DZIP1L: variants seen among roughly 807,000 people sequenced by gnomAD.
DZIP1L encodes cilium assembly protein DZIP1L.
In DZIP1L, 90 loss-of-function variants were observed where a neutral mutation model predicts 88.7. The ratio of observed to expected loss-of-function variants is 1.02; its 90% CI spans 0.86 to 1.21. The LOEUF (loss-of-function observed/expected upper bound fraction) is 1.21, where lower values mean the gene tolerates loss of function less well. Among genes scored for constraint, DZIP1L ranks in the 50% most tolerant of loss-of-function variants. The pLI is 0.00. For synonymous variants in DZIP1L, 363 were observed against 372.1 expected (o/e 0.98, Z 0.28); for missense variants, 932 against 955.8 (o/e 0.98, Z 0.33).
At chr3:138,090,644 T>C (rs140804690) in intron 5 of DZIP1L, among the ~76,000 whole-genome samples, 45 of 152,256 alleles carry the variant, frequency 3.0e-4, no homozygotes, top group African/African-American at 1.0e-3. Context: ...CAGACAGGGA[T>C]GATGGAGCAC....
At position 138,089,266 on chromosome 3, in the gene DZIP1L, T is replaced by C. The variant is rs1944093903; in HGVS notation, c.871-759A>G. 8 of 985,262 alleles carry C rather than the reference T, an allele frequency of 8.1e-6. No homozygotes were observed. The South Asian group carries it at 3.8e-4, about 46-fold the overall frequency. 61.0% of individuals were successfully genotyped at this position (985,262 alleles called of 1,614,324 possible). On this transcript the variant is annotated intron_variant, in intron 5 of 15. Coordinates refer to ENST00000327532, the MANE Select transcript of DZIP1L (RefSeq NM_173543.3). ...TTCCAAAGGTTAACAATTTCTAAAC[T>C]CCCTGAATATTTTCAGAGTCAAATG...
chr3:138,109,352 A>G (rs1055143576), intron 1 of DZIP1L, among the ~76,000 whole-genome samples: 1 of 152,224 alleles, frequency 6.6e-6, no homozygotes, highest in African/African-American at 2.4e-5. Flanking sequence ...CCCAAGATCC[A>G]GAGGCAAGAT....
chr3:138,071,545 G>A lies in DZIP1L; in HGVS notation c.1615+98C>T, dbSNP rs953383453. 3.6e-6 allele frequency: 5 copies of A among 1,377,082 alleles called. No homozygotes were observed. In the African/African-American group the frequency reaches 4.4e-5, roughly 12 times the overall value. 85.3% of individuals were successfully genotyped at this position (1,377,082 alleles called of 1,614,324 possible). The stretch of plus-strand genomic sequence containing the variant: ...GCCCTTCAGAGAAGTGCCCCTAATG[G>A]GGGACAGAGACTATACCCTCCTCAT... On this transcript the variant is annotated intron_variant, in intron 12 of 15. Transcript: ENST00000327532.
At chr3:138,091,546 A>C (rs1944224606) in intron 5 of DZIP1L, among the ~76,000 whole-genome samples, 1 of 150,556 alleles carries the variant, frequency 6.6e-6, no homozygotes. Context: ...TGAACCCAGG[A>C]GACGGAAGTT....
intron 1 of DZIP1L, 110 bp from the exon 2 acceptor site, chr3:138,104,162 G>T: frequency 9.7e-7 from 1 of 1,028,162 alleles, no homozygotes; most frequent in Non-Finnish European, 1.4e-6. Context: ...CTGTGCAGCA[G>T]CTGTAGCATT....
chr3:138,075,159 T>C (rs1030205676), intron 11 of DZIP1L, among the ~76,000 whole-genome samples: 1 of 152,160 alleles, frequency 6.6e-6, no homozygotes, highest in Non-Finnish European at 1.5e-5. Context: ...TATAATACAA[T>C]TGCTACTAGA....
chr3:138,092,596 T>C (rs771416760), intron 4 of DZIP1L, 52 bp from the exon 5 acceptor site: 1 of 1,503,826 alleles, frequency 6.6e-7, no homozygotes, highest in Non-Finnish European at 8.8e-7. Flanking sequence ...TTACAGCAAA[T>C]ATTTACTAAG....
chr3:138,078,645 A>G (rs1943516243), intron 10 of DZIP1L, among the ~76,000 whole-genome samples: 1 of 152,202 alleles, frequency 6.6e-6, no homozygotes, highest in South Asian at 2.1e-4. Context: ...CTCCCACTCC[A>G]AATCTACTGC....
intron 2 of DZIP1L, among the ~76,000 whole-genome samples, chr3:138,099,171 A>T (rs562689903): frequency 6.6e-6 from 1 of 152,312 alleles, no homozygotes; most frequent in Admixed American, 6.5e-5. Flanking sequence ...GTTCCTTCCT[A>T]GTTTCTGGCA....
intron 8 of DZIP1L, among the ~76,000 whole-genome samples, chr3:138,082,581 T>C (rs763674907): frequency 4.6e-5 from 7 of 152,204 alleles, no homozygotes; most frequent in Non-Finnish European, 8.8e-5. Flanking sequence ...ACTCAGCTGC[T>C]CCCTGCCGTG....
At chr3:138,102,609 G>C in intron 2 of DZIP1L, 2 of 1,472,652 alleles carry the variant, frequency 1.4e-6, no homozygotes, top group Non-Finnish European at 1.9e-6. Context: ...CTATGAAGGA[G>C]GCAAACTTGT....
chr3:138,097,423 A>C (rs533237895), intron 3 of DZIP1L, among the ~76,000 whole-genome samples: 1 of 152,336 alleles, frequency 6.6e-6, no homozygotes, highest in Non-Finnish European at 1.5e-5. Context: ...CTGGAAGGTA[A>C]GAGCCCTTCA....
At chr3:138,113,925 A>G (rs769300267) in intron 1 of DZIP1L, among the ~76,000 whole-genome samples, 1 of 152,238 alleles carries the variant, frequency 6.6e-6, no homozygotes, top group Non-Finnish European at 1.5e-5. Flanking sequence ...TAAAATAAAA[A>G]TAGGGGTAGG....
chr3:138,098,818 C>T (rs746601337), intron 2 of DZIP1L, among the ~76,000 whole-genome samples: 7 of 152,128 alleles, frequency 4.6e-5, no homozygotes, highest in Non-Finnish European at 7.4e-5. Context: ...TATATCATAA[C>T]GATTCCTTCT....
intron 2 of DZIP1L, chr3:138,102,808 C>T: frequency 1.4e-6 from 1 of 740,530 alleles, no homozygotes; most frequent in Non-Finnish European, 2.5e-6. Context: ...TCAGGAGAAG[C>T]TCAAGGAGCT....
At chr3:138,111,405 G>A (rs1322184963) in intron 1 of DZIP1L, among the ~76,000 whole-genome samples, 1 of 152,134 alleles carries the variant, frequency 6.6e-6, no homozygotes, top group Non-Finnish European at 1.5e-5. Flanking sequence ...TAAGAGCTGA[G>A]AGTGCAGGAG....
intron 6 of DZIP1L, 119 bp downstream of exon 6, chr3:138,088,260 T>C: frequency 7.3e-7 from 1 of 1,375,964 alleles, no homozygotes; most frequent in Non-Finnish European, 9.5e-7. Context: ...GCAGAAGGTC[T>C]GAAAATATAG....
At chr3:138,084,083 A>G (rs1158846532) in intron 8 of DZIP1L, 30 bp downstream of exon 8, 3 of 1,609,790 alleles carry the variant, frequency 1.9e-6, no homozygotes. Flanking sequence ...AGGGACACCA[A>G]GGCCTGGCTG....
chr3:138,110,926 A>G (rs1195220734), intron 1 of DZIP1L, among the ~76,000 whole-genome samples: 5 of 152,218 alleles, frequency 3.3e-5, no homozygotes, highest in Non-Finnish European at 7.3e-5. Flanking sequence ...GTCTGGCTCC[A>G]AAGTTTTTTT....
Sources: allele counts gnomAD v4.1 joint callset (sites outside exome capture counted in the v4.1 genomes callset), GRCh38; gene constraint gnomAD v4.1.1; transcripts MANE v1.5; gene names NCBI Gene and HGNC (gene_info 2026-07-23, HGNC 2026-07-21).